The following PRKD1 variants were observed in gnomAD, a reference collection of about 807,000 sequenced individuals.
The protein encoded by PRKD1 is serine/threonine-protein kinase D1.
Under a neutral mutation model 95.9 loss-of-function variants are expected in PRKD1, and 63 were observed. That is an observed-to-expected ratio of 0.66 (90% CI 0.54 to 0.81). The LOEUF (loss-of-function observed/expected upper bound fraction) is 0.81. PRKD1 is among the 30% of genes least tolerant of loss of function. PRKD1 has a pLI of 0.00. For synonymous variants in PRKD1, 425 were observed against 423.1 expected, an observed-to-expected ratio of 1.00 and a Z score of -0.05; for missense variants, 1,048 against 1,165.3, an observed-to-expected ratio of 0.90 and a Z score of 1.47.
intron 1 of PRKD1, among the ~76,000 whole-genome samples, chr14:29,737,328 CAAAAAAAAAAAAAAAAAA>C (rs796557046): frequency 0.052 from 1,986 of 38,270 alleles, 71 homozygotes; most frequent in Middle Eastern, 0.17. Context: ...GACTCCGTCT[CAAAAAAAAAAAAAAAAAA>C]AAAAAAAAAA....
At chr14:29,766,619 T>C (rs1299802771) in intron 1 of PRKD1, among the ~76,000 whole-genome samples, 3 of 152,210 alleles carry the variant, frequency 2.0e-5, no homozygotes, top group Admixed American at 1.3e-4. Flanking sequence ...AATTTATGTA[T>C]GTATACTCCA....
intron 1 of PRKD1, among the ~76,000 whole-genome samples, chr14:29,865,861 A>G (rs1348250734): frequency 6.6e-6 from 1 of 152,078 alleles, no homozygotes; most frequent in Non-Finnish European, 1.5e-5. Context: ...ACCTATAACA[A>G]CAAACCTTCT....
chr14:29,859,855 T>C (rs1470577517), intron 1 of PRKD1, among the ~76,000 whole-genome samples: 3 of 152,108 alleles, frequency 2.0e-5, no homozygotes, highest in Non-Finnish European at 4.4e-5. Context: ...GGAAATAATA[T>C]AGTTTTTTAA....
rs528594739 is a variant in PRKD1 at position 29,793,370 on chromosome 14, T to C, written c.265-67696A>G. Reference sequence around the variant, plus strand: ...AATAACCAAAGAAACACTTCATCTGTTCCCTGTTCTTCCTTCAGATAAATT... The same window carrying C: ...AATAACCAAAGAAACACTTCATCTGCTCCCTGTTCTTCCTTCAGATAAATT... On this transcript the variant is annotated intron_variant, in intron 1 of 17. Coordinates refer to ENST00000331968, the MANE Select transcript of PRKD1 (RefSeq NM_002742.3). Among the ~76,000 whole-genome samples, 3 of 152,230 alleles carry C rather than the reference T, an allele frequency of 2.0e-5. No individual in the cohort carries two copies. The South Asian group carries it at 6.2e-4, about 32-fold the overall frequency.
intron 1 of PRKD1, among the ~76,000 whole-genome samples, chr14:29,807,634 A>C (rs2139234166): frequency 6.6e-6 from 1 of 151,816 alleles, no homozygotes; most frequent in Middle Eastern, 3.4e-3. Flanking sequence ...CTTGAGCTCA[A>C]GTGATCCACC....
At chr14:29,728,301 T>C (rs1886265155) in intron 1 of PRKD1, among the ~76,000 whole-genome samples, 1 of 152,202 alleles carries the variant, frequency 6.6e-6, no homozygotes, top group East Asian at 1.9e-4. Context: ...GAAGTATAAA[T>C]TACATGAAAT....
At chr14:29,601,612 C>G (rs758441487) in intron 13 of PRKD1, among the ~76,000 whole-genome samples, 7 of 152,192 alleles carry the variant, frequency 4.6e-5, no homozygotes, top group Admixed American at 6.5e-5. Context: ...TCACAAAGCT[C>G]ATATTATCAA....
chr14:29,808,091 G>C (rs1423275949), intron 1 of PRKD1, among the ~76,000 whole-genome samples: 1 of 152,122 alleles, frequency 6.6e-6, no homozygotes, highest in African/African-American at 2.4e-5. Context: ...AGATTTCTCT[G>C]TAGCATGTGA....
At chr14:29,664,629 G>A (rs1487740776) in intron 3 of PRKD1, among the ~76,000 whole-genome samples, 1 of 152,130 alleles carries the variant, frequency 6.6e-6, no homozygotes, top group East Asian at 1.9e-4. Context: ...TTCAAAAATT[G>A]TGGATAGTTT....
intron 1 of PRKD1, among the ~76,000 whole-genome samples, chr14:29,886,795 A>G (rs763249873): frequency 2.6e-5 from 4 of 152,228 alleles, no homozygotes; most frequent in Non-Finnish European, 4.4e-5. Flanking sequence ...AACTGACCAA[A>G]AGGTAGACTG....
chr14:29,652,740 T>C (rs1355745479), intron 4 of PRKD1: 1 of 152,256 alleles, frequency 6.6e-6, no homozygotes, highest in Non-Finnish European at 1.5e-5. Flanking sequence ...AATGACTTTT[T>C]ATTTCAGAGA....
chr14:29,704,334 T>C (rs909430337), intron 2 of PRKD1, among the ~76,000 whole-genome samples: 5 of 152,204 alleles, frequency 3.3e-5, no homozygotes, highest in Non-Finnish European at 4.4e-5. Context: ...ATCTTTGTAC[T>C]AGTAGCCACT....
intron 1 of PRKD1, among the ~76,000 whole-genome samples, chr14:29,730,157 G>C: frequency 6.6e-6 from 1 of 151,926 alleles, no homozygotes; most frequent in Non-Finnish European, 1.5e-5. Flanking sequence ...ATAGGCAAAG[G>C]ATCTGAATAG....
Position 29,738,887 on chromosome 14 carries a change from G to A in PRKD1, c.265-13213C>T, listed in dbSNP as rs1030949336. On this transcript the variant is annotated intron_variant, in intron 1 of 17. Transcript: ENST00000331968. ...TCTGTTGCCCAAGCTGGAGTGCAGT[G>A]ATGCCGCAATCTTGGCTCAGTGCAA... Among the ~76,000 whole-genome samples the A allele has an allele frequency of 3.4e-5, 5 of 148,336 alleles. 1 individual carries two copies. The highest frequency in any genetic ancestry group is 1.2e-4 in the African/African-American group (5 of 40,098).
At chr14:29,686,393 C>T (rs1264257000) in intron 2 of PRKD1, among the ~76,000 whole-genome samples, 1 of 152,172 alleles carries the variant, frequency 6.6e-6, no homozygotes, top group Non-Finnish European at 1.5e-5. Flanking sequence ...GGCATGTTAT[C>T]TAGCTACTCT....
At chr14:29,905,209 G>A (rs973179754) in intron 1 of PRKD1, among the ~76,000 whole-genome samples, 3 of 152,126 alleles carry the variant, frequency 2.0e-5, no homozygotes, top group African/African-American at 7.2e-5. Context: ...AAAAATGAAA[G>A]AGAAGTCAGA....
intron 4 of PRKD1, among the ~76,000 whole-genome samples, chr14:29,661,266 A>G (rs17115172): frequency 0.036 from 5,517 of 152,306 alleles, 290 homozygotes; most frequent in African/African-American, 0.12. Context: ...CTTGCAAAAT[A>G]AATGGTCTAG....
rs555018139 is a variant in PRKD1 at position 29,925,509 on chromosome 14, C to G, written c.264+1740G>C. On this transcript the variant is annotated intron_variant, in intron 1 of 17. Transcript: ENST00000331968. ...CTTGCTGTCCCTCTCCCTCTGCTCTCGTCTCACTCTCTCCATGTAACACGC... is the reference window on the plus strand; with the variant it reads ...CTTGCTGTCCCTCTCCCTCTGCTCTGGTCTCACTCTCTCCATGTAACACGC... Among the ~76,000 whole-genome samples, 20 of 152,222 alleles carry G rather than the reference C, an allele frequency of 1.3e-4. No individual in the cohort carries two copies. In the South Asian group the frequency reaches 4.2e-3, roughly 32 times the overall value.
intron 2 of PRKD1, among the ~76,000 whole-genome samples, chr14:29,698,203 T>C (rs1884636180): frequency 6.6e-6 from 1 of 152,202 alleles, no homozygotes; most frequent in African/African-American, 2.4e-5. Context: ...AACAAATGTT[T>C]ATAATCACTA....
Sources: gnomAD v4.1 joint callset for allele counts (sites outside exome capture counted in the v4.1 genomes callset) on GRCh38, gnomAD v4.1.1 for gene constraint, MANE v1.5 for transcripts, NCBI Gene and HGNC (gene_info 2026-07-23, HGNC 2026-07-21) for gene names.